Variants in NEURL1 observed in about 807,000 individuals in gnomAD.
NEURL1 encodes the protein neuralized E3 ubiquitin protein ligase 1.
In NEURL1, 26 loss-of-function variants were observed where a neutral mutation model predicts 41.2. The ratio of observed to expected loss-of-function variants is 0.63; its 90% CI spans 0.46 to 0.87. NEURL1 has a LOEUF of 0.87. NEURL1 is among the 40% of genes least tolerant of loss of function. NEURL1 has a pLI of 0.00. For synonymous variants in NEURL1, 400 were observed against 402.3 expected (o/e 0.99, Z 0.07); for missense variants, 761 against 871.1 (o/e 0.87, Z 1.59).
chr10:103,564,251 G>A (rs751189633), intron 1 of NEURL1, among the ~76,000 whole-genome samples: 2 of 152,280 alleles, frequency 1.3e-5, no homozygotes, highest in African/African-American at 2.4e-5. Flanking sequence ...TGGGGCTGTC[G>A]GGGGAGTTTC....
intron 1 of NEURL1, among the ~76,000 whole-genome samples, chr10:103,539,766 G>A (rs2034778346): frequency 6.6e-6 from 1 of 152,238 alleles, no homozygotes; most frequent in South Asian, 2.1e-4. Flanking sequence ...CCAGCTTGGT[G>A]TAGGCATGTG....
Position 103,570,884 on chromosome 10 carries a change from G to T in NEURL1, c.98G>T (p.Gly33Val). The T allele has an allele frequency of 6.2e-7, 1 of 1,613,220 alleles. No homozygotes were observed. Among genetic ancestry groups the T allele is most frequent in the Non-Finnish European group, 8.5e-7 (1 of 1,179,630 alleles). ...TGTTCCTTTGCAGACTCTATCGGGGGCCCCTTCCCCGTCACTTCTCACCGA... is the reference window on the plus strand; with the variant it reads ...TGTTCCTTTGCAGACTCTATCGGGGTCCCCTTCCCCGTCACTTCTCACCGA... ...HPQNLKDSIG[G>V]PFPVTSHRCH... Residue 33 changes from glycine to valine, a missense_variant, in exon 2 of 6, where the codon GGC becomes GTC. Physicochemically the swap from Gly to Val is moderately radical, Grantham distance 109. Coordinates refer to ENST00000369780, the MANE Select transcript of NEURL1 (RefSeq NM_004210.5).
intron 1 of NEURL1, among the ~76,000 whole-genome samples, chr10:103,522,672 A>G (rs1184870792): frequency 2.0e-5 from 3 of 151,664 alleles, no homozygotes; most frequent in Non-Finnish European, 4.4e-5. Flanking sequence ...TTGGTTTGTT[A>G]GGTAAAACAT....
At chr10:103,494,502 G>C in intron 1 of NEURL1, 30 bp downstream of exon 1, 1 of 1,518,376 alleles carries the variant, frequency 6.6e-7, no homozygotes. Context: ...GCTGCTGGAG[G>C]ACTGGGGCGC....
At chr10:103,543,041 G>A (rs1364399752) in intron 1 of NEURL1, among the ~76,000 whole-genome samples, 1 of 152,178 alleles carries the variant, frequency 6.6e-6, no homozygotes, top group Non-Finnish European at 1.5e-5. Flanking sequence ...GGAAGGCGTG[G>A]GTTTGAAGGC....
chr10:103,579,901 G>A (rs556920230), intron 3 of NEURL1, among the ~76,000 whole-genome samples: 3 of 152,268 alleles, frequency 2.0e-5, no homozygotes, highest in East Asian at 1.9e-4. Flanking sequence ...AGCCTAGATC[G>A]TGCCACTGCA....
chr10:103,527,445 C>A (rs977819928), intron 1 of NEURL1, among the ~76,000 whole-genome samples: 1 of 151,944 alleles, frequency 6.6e-6, no homozygotes, highest in African/African-American at 2.4e-5. Flanking sequence ...CAGGCATGCA[C>A]AACCATGCCA....
chr10:103,518,662 C>T (rs139780793), intron 1 of NEURL1, among the ~76,000 whole-genome samples: 641 of 152,290 alleles, frequency 4.2e-3, no homozygotes, highest in Non-Finnish European at 7.3e-3. Flanking sequence ...ATGGCATTTG[C>T]AGGAGGTGAG....
chr10:103,539,693 C>T (rs561058100), intron 1 of NEURL1, among the ~76,000 whole-genome samples: 1 of 152,296 alleles, frequency 6.6e-6, no homozygotes, highest in South Asian at 2.1e-4. Context: ...TGGCTGAGGA[C>T]CCTGTTTTTA....
chr10:103,569,234 T>C (rs948667470), intron 1 of NEURL1, among the ~76,000 whole-genome samples: 2 of 152,246 alleles, frequency 1.3e-5, no homozygotes, highest in Non-Finnish European at 2.9e-5. Flanking sequence ...ATGAATCCTG[T>C]ATTGCTTTGT....
rs116525524 is a variant in NEURL1, at chr10:103,535,933, A to G, written c.86-34939A>G. On this transcript the variant is annotated intron_variant, in intron 1 of 5. Coordinates refer to ENST00000369780, the MANE Select transcript of NEURL1 (RefSeq NM_004210.5). Reference sequence around the variant, plus strand: ...TCCAAGATGGCATAGCAGAGTAGCCATGTGGGCACAGGGGGCATGGCACAG... The same window carrying G: ...TCCAAGATGGCATAGCAGAGTAGCCGTGTGGGCACAGGGGGCATGGCACAG... Among the ~76,000 whole-genome samples the G allele has an allele frequency of 1.6e-3, 243 of 152,258 alleles. 1 individual carries two copies. Among genetic ancestry groups the G allele is most frequent in the African/African-American group, 5.6e-3 (233 of 41,556 alleles).
At position 103,558,334 on chromosome 10, in the gene NEURL1, GT is replaced by G; in HGVS notation, c.86-12534del. Reference sequence around the variant, plus strand: ...AATTGTGTGTTTTGTTTGTGGACGTGTTTTGGCTCTCTGAGCTTCTGATGTC... The same window carrying G: ...AATTGTGTGTTTTGTTTGTGGACGTGTTTGGCTCTCTGAGCTTCTGATGTC... On this transcript the variant is annotated intron_variant, in intron 1 of 5. Transcript: ENST00000369780. This position sits in a 1 kb window ranked among gnomAD's most constrained non-coding sequence, Gnocchi z 4.2. 1 of 850,568 alleles carries G rather than the reference GT, an allele frequency of 1.2e-6. No homozygotes were observed. Among genetic ancestry groups the G allele is most frequent in the Non-Finnish European group, 1.4e-6 (1 of 706,852 alleles). The allele number at this position is 850,568 out of a possible 1,614,324, so 52.7% of individuals were successfully genotyped here.
At chr10:103,528,233 G>A (rs1216756356) in intron 1 of NEURL1, among the ~76,000 whole-genome samples, 5 of 152,184 alleles carry the variant, frequency 3.3e-5, no homozygotes, top group African/African-American at 1.2e-4. Context: ...GCAGGTGCCT[G>A]TAATCCCAGC....
chr10:103,532,264 C>A (rs897959625), intron 1 of NEURL1, among the ~76,000 whole-genome samples: 2 of 147,562 alleles, frequency 1.4e-5, no homozygotes, highest in Admixed American at 6.7e-5. Context: ...TGTATCCTTT[C>A]TTTCTTATTG....
intron 1 of NEURL1, among the ~76,000 whole-genome samples, chr10:103,522,646 T>G (rs917893772): frequency 8.7e-5 from 13 of 148,664 alleles, no homozygotes; most frequent in African/African-American, 3.2e-4. Context: ...TCTCATGCAA[T>G]CAGAATGAAA....
At chr10:103,564,458 T>C (rs1272646065) in intron 1 of NEURL1, among the ~76,000 whole-genome samples, 1 of 152,196 alleles carries the variant, frequency 6.6e-6, no homozygotes, top group East Asian at 1.9e-4. Context: ...TGAGGCACTT[T>C]GCTGCAGCTG....
chr10:103,543,493 T>C (rs556748975), intron 1 of NEURL1, among the ~76,000 whole-genome samples: 2 of 152,362 alleles, frequency 1.3e-5, no homozygotes, highest in African/African-American at 4.8e-5. Flanking sequence ...GGCTTTCATC[T>C]TCCCTCCCTC....
At chr10:103,516,710 T>A (rs1010949452) in intron 1 of NEURL1, among the ~76,000 whole-genome samples, 7 of 152,074 alleles carry the variant, frequency 4.6e-5, no homozygotes, top group Non-Finnish European at 8.8e-5. Context: ...AGTGCAGTGG[T>A]TCTCTAAGGG....
chr10:103,546,881 T>C (rs1181659683), intron 1 of NEURL1, among the ~76,000 whole-genome samples: 1 of 152,202 alleles, frequency 6.6e-6, no homozygotes, highest in East Asian at 1.9e-4. Context: ...AGCCCCCAGA[T>C]AGAACAGCTC....
Sources: gnomAD v4.1 joint callset for allele counts (sites outside exome capture counted in the v4.1 genomes callset) on GRCh38, gnomAD v4.1.1 for gene constraint, Gnocchi (gnomAD v3.1) non-coding constraint, MANE v1.5 for transcripts, NCBI Gene and HGNC (gene_info 2026-07-23, HGNC 2026-07-21) for gene names.